The following GSDMC variants were observed in gnomAD, a reference collection of about 807,000 sequenced individuals.
GSDMC encodes gasdermin C.
Under a neutral mutation model 58.0 loss-of-function variants are expected in GSDMC, and 59 were observed. That is an observed-to-expected ratio of 1.02 (90% CI 0.82 to 1.26). The LOEUF is 1.26. GSDMC is among the 50% of genes most tolerant of loss of function. The pLI is 0.00. For synonymous variants in GSDMC, 241 were observed against 220.2 expected (o/e 1.09, Z -0.83); for missense variants, 659 against 598.5 (o/e 1.10, Z -1.06).
chr8:129,735,868 C>T, the GSDMC span, among the ~76,000 whole-genome samples: 3 of 152,110 alleles, frequency 2.0e-5, no homozygotes, highest in African/African-American at 7.2e-5. Context: ...AATCCAGGAA[C>T]TTGTTTTTTG....
In GSDMC at chr8:129,762,727, T is replaced by G. The variant is rs1401985324; in HGVS notation, c.575A>C (p.Gln192Pro). 1.2e-6 allele frequency: 2 copies of G among 1,608,014 alleles called. No homozygotes were observed. Among genetic ancestry groups the G allele is most frequent in the African/African-American group, 2.7e-5 (2 of 74,810 alleles). Residue 192 changes from glutamine to proline, a missense_variant, in exon 5 of 14, where the codon CAA becomes CCA. By Grantham distance (76) the Gln-to-Pro change is moderately conservative (BLOSUM62 -1). Coordinates refer to ENST00000276708, the MANE Select transcript of GSDMC (RefSeq NM_031415.3). ...IALWITYGKGQGQGESLRVKK... is the reference protein window; with the variant it reads ...IALWITYGKGPGQGESLRVKK... ...CACTCTGAGACTCTCTCCTTGGCCT[T>G]GACCCTGGGGAGAGAAACCAGACAA...
chr8:129,724,601 T>C, the GSDMC span, among the ~76,000 whole-genome samples: 1 of 151,490 alleles, frequency 6.6e-6, no homozygotes, highest in South Asian at 2.1e-4. Flanking sequence ...GAGTAACAAC[T>C]CACTTAATGA....
At position 129,780,631 on chromosome 8, in the gene GSDMC, G is replaced by A. The variant is rs538592531; in HGVS notation, c.-4-3040C>T. On this transcript the variant is annotated intron_variant, in intron 1 of 13. Coordinates refer to ENST00000276708, the MANE Select transcript of GSDMC (RefSeq NM_031415.3). ...TTCATCAACACCAAACCTGTCTTAC[G>A]AGAAATACTAAAGGGAGTTGTTCTA... 1.5e-3 allele frequency among the ~76,000 whole-genome samples: 228 copies of A among 152,236 alleles called. 2 individuals carry two copies. Among genetic ancestry groups the A allele is most frequent in the African/African-American group, 5.1e-3 (212 of 41,546 alleles).
At chr8:129,738,554 G>A in the GSDMC span, among the ~76,000 whole-genome samples, 1 of 152,070 alleles carries the variant, frequency 6.6e-6, no homozygotes, top group Non-Finnish European at 1.5e-5. Flanking sequence ...CTATCACAAG[G>A]ACAGAAAACC....
the GSDMC span, among the ~76,000 whole-genome samples, chr8:129,742,462 CACTT>C: frequency 6.6e-4 from 101 of 152,230 alleles, 1 homozygote; most frequent in African/African-American, 2.2e-3. Flanking sequence ...AATGATATCT[CACTT>C]AGTCAACACA....
At chr8:129,737,767 C>T in the GSDMC span, among the ~76,000 whole-genome samples, 2 of 152,282 alleles carry the variant, frequency 1.3e-5, no homozygotes, top group East Asian at 3.9e-4. Context: ...AACTTCATGA[C>T]TAAAACACCA....
rs1735880111 is a variant in GSDMC at position 129,748,259 on chromosome 8, T to G, written c.*242A>C. On this transcript the variant is annotated 3_prime_UTR_variant, in exon 14 of 14. Transcript: ENST00000276708. ...TTATACATAGTGAAACGCTTACGTC[T>G]TTAACATACTATTTGAGGAGTTTTG... 2.9e-6 allele frequency: 1 copy of G among 350,516 alleles called. No individual in the cohort carries two copies. The highest frequency in any genetic ancestry group is 5.1e-6 in the Non-Finnish European group (1 of 195,692). The allele number at this position is 350,516 out of a possible 1,614,324, so 21.7% of individuals were successfully genotyped here. A position where few individuals can be genotyped will look rare whatever the true frequency, so the allele number is the denominator to read the frequency against.
intron 11 of GSDMC, 54 bp from the exon 12 acceptor site, chr8:129,750,173 A>G: frequency 7.4e-7 from 1 of 1,354,700 alleles, no homozygotes. Flanking sequence ...GTAATGTTAT[A>G]TAATTTGCCT....
Position 129,777,516 on chromosome 8 carries a change from G to T in GSDMC, c.72C>A (p.Val24=). Residue 24 remains valine, a synonymous_variant, in exon 2 of 14, where the codon GTC becomes GTA. Coordinates refer to ENST00000276708, the MANE Select transcript of GSDMC (RefSeq NM_031415.3). ...KEIGSKDLTP[V]KYLLSATKLR... ...ATTTGGTGGCACTCAATAGGTATTT[G>T]ACAGGTGTCAGGTCTTTGCTTCCAA... is the stretch of plus-strand genomic sequence containing the variant. 6.2e-7 allele frequency: 1 copy of T among 1,613,192 alleles called. No individual in the cohort carries two copies. The highest frequency in any genetic ancestry group is 1.1e-5 in the South Asian group (1 of 91,056).
intron 1 of GSDMC, among the ~76,000 whole-genome samples, chr8:129,778,634 T>C (rs2034317618): frequency 6.6e-6 from 1 of 152,082 alleles, no homozygotes; most frequent in South Asian, 2.1e-4. Context: ...CTTAAGAGCT[T>C]CTGCACAGCA....
intron 3 of GSDMC, among the ~76,000 whole-genome samples, chr8:129,769,415 T>C (rs2033978630): frequency 6.6e-6 from 1 of 152,182 alleles, no homozygotes. Flanking sequence ...TCTGTTGCTA[T>C]AAGAGAATAT....
chr8:129,716,516 G>A, the GSDMC span, among the ~76,000 whole-genome samples: 28 of 152,092 alleles, frequency 1.8e-4, no homozygotes, highest in Non-Finnish European at 3.4e-4. Context: ...GGAGATTTGG[G>A]GCTGAGACAA....
chr8:129,707,551 T>C, the GSDMC span, among the ~76,000 whole-genome samples: 1 of 152,202 alleles, frequency 6.6e-6, no homozygotes, highest in African/African-American at 2.4e-5. Context: ...TTAACTCAAA[T>C]GCAGAATCAC....
intron 9 of GSDMC, 29 bp downstream of exon 9, chr8:129,751,833 A>G: frequency 8.4e-7 from 1 of 1,184,226 alleles, no homozygotes; most frequent in Non-Finnish European, 1.2e-6. Context: ...TGGGATCCCC[A>G]CCCCCACCTC....
At chr8:129,778,682 A>G (rs1455563207) in intron 1 of GSDMC, among the ~76,000 whole-genome samples, 1 of 152,146 alleles carries the variant, frequency 6.6e-6, no homozygotes, top group Non-Finnish European at 1.5e-5. Context: ...TAACCTACAG[A>G]ATGGGAGAAA....
chr8:129,771,090 G>A (rs1291949710), intron 3 of GSDMC, among the ~76,000 whole-genome samples: 3 of 150,574 alleles, frequency 2.0e-5, no homozygotes, highest in Non-Finnish European at 4.4e-5. Context: ...AGTCAAAACT[G>A]TAACAAGATA....
chr8:129,734,620 A>G, the GSDMC span, among the ~76,000 whole-genome samples: 2 of 152,340 alleles, frequency 1.3e-5, no homozygotes, highest in African/African-American at 4.8e-5. Context: ...ACAGACAAGC[A>G]AATGCTGAGA....
At chr8:129,720,039 T>C in the GSDMC span, among the ~76,000 whole-genome samples, 1 of 151,980 alleles carries the variant, frequency 6.6e-6, no homozygotes, top group Non-Finnish European at 1.5e-5. Context: ...CCTTTAGGAG[T>C]CCCTATGAAC....
the GSDMC span, among the ~76,000 whole-genome samples, chr8:129,722,308 A>G: frequency 2.0e-5 from 3 of 152,202 alleles, no homozygotes; most frequent in African/African-American, 7.2e-5. Context: ...GTGAAGCTTT[A>G]ATGAATAATC....
Sources: gnomAD v4.1 joint callset for allele counts (sites outside exome capture counted in the v4.1 genomes callset) on GRCh38, gnomAD v4.1.1 for gene constraint, MANE v1.5 for transcripts, NCBI Gene and HGNC (gene_info 2026-07-23, HGNC 2026-07-21) for gene names.